Variants in DOCK3 observed in about 807,000 individuals in gnomAD.
DOCK3 encodes dedicator of cytokinesis protein 3.
A neutral mutation model predicts 265.6 loss-of-function variants in DOCK3; 60 were observed. That is an observed-to-expected ratio of 0.23 (90% CI 0.18 to 0.28). The LOEUF is 0.28. Among genes scored for constraint, DOCK3 ranks in the 10% least tolerant of loss-of-function variants. The pLI is 1.00. For synonymous variants in DOCK3, 881 were observed against 938.0 expected (o/e 0.94, Z 1.11); for missense variants, 1,981 against 2,594.3 (o/e 0.76, Z 5.14).
At chr3:50,788,859 C>T (rs1005870109) in intron 2 of DOCK3, among the ~76,000 whole-genome samples, 6 of 152,212 alleles carry the variant, frequency 3.9e-5, no homozygotes, top group South Asian at 2.1e-4. Context: ...GCTGCGAGGG[C>T]GCGTGCCCGC....
chr3:51,236,150 C>G (rs1418345119), intron 19 of DOCK3, among the ~76,000 whole-genome samples, 195 bp from the exon 20 acceptor site: 4 of 152,176 alleles, frequency 2.6e-5, no homozygotes, highest in Non-Finnish European at 5.9e-5. Context: ...GGGCTATAAG[C>G]CAACACCTCA....
intron 37 of DOCK3, among the ~76,000 whole-genome samples, chr3:51,339,704 G>C (rs534987770): frequency 6.6e-6 from 1 of 152,292 alleles, no homozygotes; most frequent in Admixed American, 6.5e-5. Context: ...TCGGGGTTAC[G>C]TGCATGCATG....
chr3:51,245,413 C>T (rs1235460244), intron 21 of DOCK3, among the ~76,000 whole-genome samples: 15 of 125,114 alleles, frequency 1.2e-4, no homozygotes, highest in Non-Finnish European at 2.4e-4. Flanking sequence ...TTTTTTGAGA[C>T]GGAGTCTTGC....
chr3:51,162,155 C>A (rs1192226228), intron 12 of DOCK3, among the ~76,000 whole-genome samples: 1 of 152,110 alleles, frequency 6.6e-6, no homozygotes, highest in East Asian at 1.9e-4. Context: ...TATTGTTTAT[C>A]CAAATTAAAT....
intron 9 of DOCK3, among the ~76,000 whole-genome samples, chr3:51,092,300 G>T (rs748022786): frequency 6.6e-5 from 10 of 152,148 alleles, no homozygotes; most frequent in Non-Finnish European, 1.3e-4. Context: ...AGCAGACTGA[G>T]ATCGACCTGG....
At chr3:50,878,821 A>G (rs1158402288) in intron 3 of DOCK3, among the ~76,000 whole-genome samples, 2 of 152,224 alleles carry the variant, frequency 1.3e-5, no homozygotes, top group South Asian at 4.1e-4. Flanking sequence ...CATGACACAT[A>G]ATTGTCAGAT....
chr3:50,820,959 G>C (rs1003498213), intron 2 of DOCK3, among the ~76,000 whole-genome samples: 2 of 151,264 alleles, frequency 1.3e-5, no homozygotes, highest in Non-Finnish European at 2.9e-5. Flanking sequence ...TTTGAGAAGT[G>C]TCTGTTCATG....
chr3:50,760,318 G>A (rs570318008), intron 1 of DOCK3, among the ~76,000 whole-genome samples: 8 of 152,116 alleles, frequency 5.3e-5, no homozygotes, highest in Non-Finnish European at 8.8e-5. Context: ...ATTTATGTGA[G>A]GGTTTGTTTC....
intron 2 of DOCK3, among the ~76,000 whole-genome samples, chr3:50,802,448 C>T (rs1313968682): frequency 6.6e-6 from 1 of 152,122 alleles, no homozygotes; most frequent in Non-Finnish European, 1.5e-5. Context: ...CTTGCAAGAT[C>T]AGTTTAGTGG....
intron 13 of DOCK3, among the ~76,000 whole-genome samples, chr3:51,212,003 A>G (rs186238491): frequency 6.6e-6 from 1 of 152,190 alleles, no homozygotes; most frequent in South Asian, 2.1e-4. Context: ...TGAACTATTC[A>G]TGAAGGCTCT....
chr3:50,948,240 A>G lies in DOCK3; in HGVS notation c.315+14163A>G, dbSNP rs1313502898. 2.0e-5 allele frequency among the ~76,000 whole-genome samples: 3 copies of G among 150,900 alleles called. No homozygotes were observed. In the East Asian group the frequency reaches 5.8e-4, roughly 29 times the overall value. ...CCCGGCTAATTTTTGTATTTTTAGT[A>G]GAGACGGGGTTTCACTGTGTTAGCC... On this transcript the variant is annotated intron_variant, in intron 5 of 52. Transcript: ENST00000266037.
At chr3:50,799,606 G>T (rs781706681) in intron 2 of DOCK3, among the ~76,000 whole-genome samples, 1 of 152,036 alleles carries the variant, frequency 6.6e-6, no homozygotes, top group Non-Finnish European at 1.5e-5. Context: ...AGAGTATTTT[G>T]GTAGAGTCTT....
intron 2 of DOCK3, among the ~76,000 whole-genome samples, chr3:50,837,134 T>C (rs1222889554): frequency 6.6e-6 from 1 of 152,224 alleles, no homozygotes; most frequent in Non-Finnish European, 1.5e-5. Flanking sequence ...TCCAGACTTT[T>C]CCACATTTTC....
chr3:51,208,929 A>G (rs4301044), intron 13 of DOCK3, 67 bp downstream of exon 13: 1,288,291 of 1,430,882 alleles, frequency 0.9, 580,625 homozygotes, highest in African/African-American at 0.95. Flanking sequence ...CAGCACTTAG[A>G]TTGGTTGGTG....
chr3:50,959,988 G>A (rs1437211518), intron 5 of DOCK3, among the ~76,000 whole-genome samples: 1 of 152,166 alleles, frequency 6.6e-6, no homozygotes, highest in Admixed American at 6.5e-5. Flanking sequence ...GTTCATCCAT[G>A]TTGACTTCTT....
In DOCK3 at chr3:51,018,193, G is replaced by C. The variant is rs1371451502; in HGVS notation, c.316-46255G>C. The stretch of plus-strand genomic sequence containing the variant: ...AGGTGTGAGCCACTGCTGGTTTTCT[G>C]TATCTTTTTATCTTTCACCAAAACT... On this transcript the variant is annotated intron_variant, in intron 5 of 52. Coordinates refer to ENST00000266037, the MANE Select transcript of DOCK3 (RefSeq NM_004947.5). Among the ~76,000 whole-genome samples, 5 of 151,756 alleles carry C rather than the reference G, an allele frequency of 3.3e-5. 1 individual carries two copies. Among genetic ancestry groups the C allele is most frequent in the Admixed American group, 3.3e-4 (5 of 15,232 alleles).
In DOCK3 at chr3:51,275,634, G is replaced by A. The variant is rs889592382; in HGVS notation, c.2676+428G>A. 8.5e-5 allele frequency among the ~76,000 whole-genome samples: 13 copies of A among 152,140 alleles called. No homozygotes were observed. In the East Asian group the frequency reaches 1.4e-3, roughly 16 times the overall value. ...GACAGCTTGATTCCACCCATATGGCGTTCCTATACTGTGCCAAATGAGGTC... is the reference window on the plus strand; with the variant it reads ...GACAGCTTGATTCCACCCATATGGCATTCCTATACTGTGCCAAATGAGGTC... On this transcript the variant is annotated intron_variant, in intron 25 of 52. Coordinates refer to ENST00000266037, the MANE Select transcript of DOCK3 (RefSeq NM_004947.5).
intron 1 of DOCK3, among the ~76,000 whole-genome samples, chr3:50,772,216 T>C (rs931001307): frequency 6.6e-6 from 1 of 152,234 alleles, no homozygotes; most frequent in African/African-American, 2.4e-5. Context: ...TCACATGTTA[T>C]CACTTATTTG....
chr3:50,876,275 G>T (rs991159078), intron 3 of DOCK3, among the ~76,000 whole-genome samples: 15 of 152,058 alleles, frequency 9.9e-5, no homozygotes, highest in Non-Finnish European at 1.5e-5. Flanking sequence ...TTGTAAACCT[G>T]TGTTTCACTA....
Sources: gnomAD v4.1 joint callset for allele counts (sites outside exome capture counted in the v4.1 genomes callset) on GRCh38, gnomAD v4.1.1 for gene constraint, MANE v1.5 for transcripts, NCBI Gene and HGNC (gene_info 2026-07-23, HGNC 2026-07-21) for gene names.